NUMB: variants seen among roughly 807,000 people sequenced by gnomAD.
The protein encoded by NUMB is NUMB endocytic adaptor protein.
In NUMB, 29 loss-of-function variants were observed where a neutral mutation model predicts 59.7. That is an observed-to-expected ratio of 0.49 (90% CI 0.36 to 0.66). NUMB has a LOEUF of 0.66. Ranked by LOEUF, NUMB falls within the 30% of genes least tolerant of loss-of-function variation. The pLI, the probability that NUMB is intolerant of heterozygous loss-of-function variation, is 0.00. For synonymous variants in NUMB, 288 were observed against 288.2 expected (o/e 1.00, Z 0.01); for missense variants, 723 against 822.0 (o/e 0.88, Z 1.47).
chr14:73,411,815 T>C (rs1157468750), intron 1 of NUMB, among the ~76,000 whole-genome samples: 1 of 151,392 alleles, frequency 6.6e-6, no homozygotes, highest in Non-Finnish European at 1.5e-5. Flanking sequence ...TGCCCACATC[T>C]GTCATATTGC....
At position 73,352,471 on chromosome 14, in the gene NUMB, CACACACATATATATATATAT is replaced by C. The variant is rs1566756016; in HGVS notation, c.126+3135_126+3154del. On this transcript the variant is annotated intron_variant, in intron 4 of 12. Coordinates refer to ENST00000555238, the MANE Select transcript of NUMB (RefSeq NM_001005743.2). ...ACACACACACACATACACACACACA[CACACACATATATATATATAT>C]ATATATATATATATATATATATATA... Among the ~76,000 whole-genome samples, 104 of 21,024 alleles carry C rather than the reference CACACACATATATATATATAT, an allele frequency of 4.9e-3. 10 individuals are homozygous for C. Among genetic ancestry groups the C allele is most frequent in the African/African-American group, 0.017 (101 of 5,916 alleles). The allele number at this position is 21,024 out of a possible 152,430, so 13.8% of individuals were successfully genotyped here.
At chr14:73,404,491 A>T (rs1288565405) in intron 2 of NUMB, among the ~76,000 whole-genome samples, 4 of 152,152 alleles carry the variant, frequency 2.6e-5, no homozygotes, top group African/African-American at 9.6e-5. Context: ...ACTTACTTTC[A>T]AGTGGTTTAT....
intron 7 of NUMB, among the ~76,000 whole-genome samples, chr14:73,295,340 C>A (rs1889706130): frequency 6.6e-6 from 1 of 152,274 alleles, no homozygotes; most frequent in South Asian, 2.1e-4. Flanking sequence ...TACTACTATT[C>A]AGTGTGGAAA....
intron 12 of NUMB, among the ~76,000 whole-genome samples, chr14:73,278,126 A>G (rs1888325292): frequency 1.3e-5 from 2 of 151,810 alleles, no homozygotes; most frequent in Admixed American, 1.3e-4. Flanking sequence ...GCTCTAACAG[A>G]GCAAAAAGAA....
chr14:73,412,561 A>C (rs1303730800), intron 1 of NUMB, among the ~76,000 whole-genome samples: 1 of 144,278 alleles, frequency 6.9e-6, no homozygotes, highest in East Asian at 2.2e-4. Flanking sequence ...CAGGAGGTGG[A>C]GGTTGCAGTA....
At chr14:73,449,699 G>GTATT in intron 1 of NUMB, among the ~76,000 whole-genome samples, 1 of 151,724 alleles carries the variant, frequency 6.6e-6, no homozygotes, top group African/African-American at 2.4e-5. Context: ...TAATGTTTTG[G>GTATT]TGTTTGTTTT....
chr14:73,453,693 C>T lies in NUMB; in HGVS notation c.-233+4800G>A, dbSNP rs145315250. On this transcript the variant is annotated intron_variant, in intron 1 of 12. Transcript: ENST00000555238. The stretch of plus-strand genomic sequence containing the variant: ...CGCGATCTCAGCTCACTGCAACCTC[C>T]GCCTCCTAGGTTCAAGCCATTCTCC... Among the ~76,000 whole-genome samples, 1,955 of 151,386 alleles carry T rather than the reference C, an allele frequency of 0.013. 96 individuals carry two copies. In the South Asian group the frequency reaches 0.16, roughly 12 times the overall value.
intron 2 of NUMB, among the ~76,000 whole-genome samples, chr14:73,371,280 A>T (rs1266444967): frequency 3.9e-5 from 6 of 152,144 alleles, no homozygotes; most frequent in Admixed American, 3.9e-4. Flanking sequence ...TCACGCCTGT[A>T]ATCTCAGCAC....
chr14:73,336,799 A>G (rs1432732672), intron 4 of NUMB, among the ~76,000 whole-genome samples: 1 of 152,246 alleles, frequency 6.6e-6, no homozygotes, highest in Non-Finnish European at 1.5e-5. Context: ...ATTAGCAAAC[A>G]GAATCCCTTA....
intron 1 of NUMB, among the ~76,000 whole-genome samples, chr14:73,444,489 A>T (rs552145492): frequency 2.0e-5 from 3 of 152,274 alleles, no homozygotes; most frequent in African/African-American, 7.2e-5. Flanking sequence ...AAATAATCAA[A>T]ACACAACCAA....
intron 4 of NUMB, among the ~76,000 whole-genome samples, chr14:73,331,097 T>TAA (rs143760911): frequency 0.052 from 7,847 of 152,296 alleles, 656 homozygotes; most frequent in African/African-American, 0.18. Context: ...CTCAAGGTCT[T>TAA]AAAGTGCTAA....
chr14:73,446,177 A>G (rs1883490251), intron 1 of NUMB, among the ~76,000 whole-genome samples: 1 of 151,820 alleles, frequency 6.6e-6, no homozygotes, highest in African/African-American at 2.4e-5. Context: ...TTGTATTTTT[A>G]GTAGAGATGA....
chr14:73,291,433 C>T (rs1889395622), intron 8 of NUMB, among the ~76,000 whole-genome samples: 1 of 151,620 alleles, frequency 6.6e-6, no homozygotes, highest in East Asian at 1.9e-4. Context: ...GGCTGGAGTG[C>T]AGTGGTGCAA....
At chr14:73,374,426 G>A (rs1239831120) in intron 2 of NUMB, among the ~76,000 whole-genome samples, 1 of 152,116 alleles carries the variant, frequency 6.6e-6, no homozygotes. Context: ...CAGGTCCAAG[G>A]ATAGCCCACA....
chr14:73,422,332 C>T (rs948353561), intron 1 of NUMB, among the ~76,000 whole-genome samples: 3 of 152,072 alleles, frequency 2.0e-5, no homozygotes, highest in African/African-American at 4.8e-5. Context: ...GATCCAAACA[C>T]GTCATAGTAG....
chr14:73,448,580 A>T (rs1279565478), intron 1 of NUMB, among the ~76,000 whole-genome samples: 2 of 152,228 alleles, frequency 1.3e-5, no homozygotes, highest in Non-Finnish European at 2.9e-5. Flanking sequence ...ATTCTGAAAT[A>T]AAAACTATTT....
At chr14:73,386,847 G>A (rs1226641743) in intron 2 of NUMB, among the ~76,000 whole-genome samples, 2 of 136,590 alleles carry the variant, frequency 1.5e-5, no homozygotes, top group Non-Finnish European at 3.1e-5. Flanking sequence ...AATAATACAA[G>A]ACAATCTATC....
intron 6 of NUMB, among the ~76,000 whole-genome samples, chr14:73,300,706 C>T (rs1890077639): frequency 8.6e-5 from 13 of 152,044 alleles, no homozygotes; most frequent in Admixed American, 8.5e-4. Flanking sequence ...AGAACAAGGA[C>T]GGTCATATAA....
chr14:73,305,256 T>C (rs1406183763), intron 6 of NUMB, among the ~76,000 whole-genome samples: 1 of 152,154 alleles, frequency 6.6e-6, no homozygotes, highest in African/African-American at 2.4e-5. Context: ...AACATGTTAT[T>C]TACAAAAACA....
Sources: allele counts gnomAD v4.1 joint callset (sites outside exome capture counted in the v4.1 genomes callset), GRCh38; gene constraint gnomAD v4.1.1; transcripts MANE v1.5; gene names NCBI Gene and HGNC (gene_info 2026-07-23, HGNC 2026-07-21).